The following LRRC53 variants were observed in gnomAD, a reference collection of about 807,000 sequenced individuals.
LRRC53 encodes leucine-rich repeat-containing protein 53.
In LRRC53, 25 loss-of-function variants were observed where a neutral mutation model predicts 13.6. The observed-to-expected ratio is 1.83, with a 90% CI of 1.34 to 2.56. The LOEUF (loss-of-function observed/expected upper bound fraction) is 2.56, where lower values mean the gene tolerates loss of function less well. LRRC53 is among the 30% of genes most tolerant of loss of function. The pLI is 0.00. For missense variants in LRRC53, 527 were observed against 275.8 expected, an observed-to-expected ratio of 1.91 and a Z score of -6.45; for synonymous variants, 204 against 109.8, an observed-to-expected ratio of 1.86 and a Z score of -5.37.
chr1:74,529,428 G>A, the LRRC53 span, among the ~76,000 whole-genome samples: 3 of 152,288 alleles, frequency 2.0e-5, no homozygotes, highest in East Asian at 1.9e-4. Context: ...AAATGTCACG[G>A]TTAGGAAATT....
At chr1:74,487,431 T>C (rs1250823615) in intron 1 of LRRC53, among the ~76,000 whole-genome samples, 1 of 152,124 alleles carries the variant, frequency 6.6e-6, no homozygotes, top group Non-Finnish European at 1.5e-5. Context: ...AAATATGTAA[T>C]AGGCTCTCTG....
At chr1:74,491,395 T>G (rs1669067599) in intron 1 of LRRC53, among the ~76,000 whole-genome samples, 2 of 152,274 alleles carry the variant, frequency 1.3e-5, no homozygotes, top group Admixed American at 1.3e-4. Context: ...AATTTTTGTA[T>G]TTTTATTAGA....
At chr1:74,501,474 G>GTGTTTGTTTGTT (rs71588835) in intron 1 of LRRC53, among the ~76,000 whole-genome samples, 3,126 of 149,916 alleles carry the variant, frequency 0.021, 66 homozygotes, top group Admixed American at 0.053. Context: ...TTTTTGTTTT[G>GTGTTTGTTTGTT]TGTTTGTTTG....
Position 74,480,761 on chromosome 1 carries a change from G to A in LRRC53, c.296C>T (p.Thr99Ile). Residue 99 changes from threonine to isoleucine, a missense_variant, in exon 3 of 5, where the codon ACT becomes ATT. Coordinates refer to ENST00000294635, the MANE Select transcript of LRRC53 (RefSeq NM_001382280.1). ...EHNQISSSSLTDHTFSKLHSL... is the reference protein window; with the variant it reads ...EHNQISSSSLIDHTFSKLHSL... The stretch of plus-strand genomic sequence containing the variant: ...GTGAAGCTTGCTGAAGGTGTGATCA[G>A]TGAGCGAAGAGCTGGATATTTGGTT... 2.8e-6 allele frequency: 2 copies of A among 717,530 alleles called. No homozygotes were observed. 44.4% of individuals were successfully genotyped at this position (717,530 alleles called of 1,614,324 possible).
the LRRC53 span, among the ~76,000 whole-genome samples, chr1:74,523,696 T>C: frequency 6.6e-6 from 1 of 152,240 alleles, no homozygotes; most frequent in Non-Finnish European, 1.5e-5. Flanking sequence ...AGGTGATCAA[T>C]ACCTATTTGT....
At chr1:74,505,911 G>A (rs1333996815) in intron 1 of LRRC53, among the ~76,000 whole-genome samples, 2 of 152,090 alleles carry the variant, frequency 1.3e-5, no homozygotes, top group African/African-American at 4.8e-5. Context: ...ATCTGCAAAC[G>A]AGTACAAAAA....
intron 3 of LRRC53, 50 bp from the exon 4 acceptor site, chr1:74,475,860 C>G: frequency 1.9e-6 from 1 of 529,030 alleles, no homozygotes; most frequent in Non-Finnish European, 3.4e-6. Context: ...GGAAGAAACA[C>G]ATAAATCATC....
the LRRC53 span, among the ~76,000 whole-genome samples, chr1:74,521,473 TCA>T: frequency 0.028 from 3,380 of 121,028 alleles, 134 homozygotes; most frequent in African/African-American, 0.079. Flanking sequence ...CTTATCTCTC[TCA>T]CACACACACA....
At chr1:74,508,403 T>C (rs1331913281) in intron 1 of LRRC53, among the ~76,000 whole-genome samples, 1 of 152,214 alleles carries the variant, frequency 6.6e-6, no homozygotes, top group Non-Finnish European at 1.5e-5. Flanking sequence ...AAAGAAGGTA[T>C]TATGATTTTT....
chr1:74,480,570 C>A lies in LRRC53; in HGVS notation c.487G>T (p.Asp163Tyr), dbSNP rs1279518863. The A allele has an allele frequency of 9.8e-6, 7 of 717,220 alleles. No homozygotes were observed. Among genetic ancestry groups the A allele is most frequent in the Non-Finnish European group, 1.6e-5 (6 of 385,110 alleles). The allele number at this position is 717,220 out of a possible 1,614,324, so 44.4% of individuals were successfully genotyped here. Residue 163 changes from aspartate (D) to tyrosine (Y), a missense_variant, in exon 3 of 5, where the codon GAT (aspartate) becomes TAT (tyrosine). Physicochemically the swap from Asp to Tyr is radical, Grantham distance 160. Transcript: ENST00000294635. ...GTNLHSLRYL[D>Y]LSNNFISYIG... is the part of the protein sequence containing the mutation. ...TAGGAAATAAAATTGTTGGATAAAT[C>A]CAGATACCTGAGACTGTGGAGATTC... is the stretch of plus-strand genomic sequence containing the variant.
At chr1:74,530,717 CAA>C in the LRRC53 span, among the ~76,000 whole-genome samples, 1 of 124,106 alleles carries the variant, frequency 8.1e-6, no homozygotes. Flanking sequence ...ACCAAGAACT[CAA>C]AAAGTTTTTT....
intron 3 of LRRC53, 36 bp from the exon 4 acceptor site, chr1:74,475,846 C>T: frequency 1.9e-6 from 1 of 538,076 alleles, no homozygotes; most frequent in Non-Finnish European, 3.4e-6. Context: ...AAGATAACAT[C>T]TTGGGAAGAA....
intron 1 of LRRC53, among the ~76,000 whole-genome samples, chr1:74,486,233 G>GAGAGAGAGAGAGAGAGAGAGA (rs200856016): frequency 5.3e-5 from 8 of 150,088 alleles, no homozygotes; most frequent in African/African-American, 1.5e-4. Context: ...GAGAGAGAGA[G>GAGAGAGAGAGAGAGAGAGAGA]GTGGGAAATA....
At chr1:74,478,416 TA>T (rs1668312341) in intron 3 of LRRC53, among the ~76,000 whole-genome samples, 1 of 152,330 alleles carries the variant, frequency 6.6e-6, no homozygotes, top group East Asian at 1.9e-4. Context: ...TCAATACTAA[TA>T]AAGAACTGTT....
chr1:74,518,515 C>A, the LRRC53 span, among the ~76,000 whole-genome samples: 115 of 152,194 alleles, frequency 7.6e-4, 1 homozygote, highest in African/African-American at 2.7e-3. Context: ...AATATGCCTT[C>A]TTTTTAGGGT....
intron 1 of LRRC53, among the ~76,000 whole-genome samples, chr1:74,511,319 A>C (rs1236575685): frequency 6.6e-6 from 1 of 151,998 alleles, no homozygotes; most frequent in Non-Finnish European, 1.5e-5. Flanking sequence ...CAGGCTCCCG[A>C]GTAGCTGGGA....
At chr1:74,516,480 G>A (rs1646349874), upstream of LRRC53, among the ~76,000 whole-genome samples, 1 of 152,140 alleles carries the variant, frequency 6.6e-6, no homozygotes, top group African/African-American at 2.4e-5. Flanking sequence ...TTTACTGTGG[G>A]GCTTAGTATG....
In LRRC53 at chr1:74,475,586, G is replaced by A. The variant is rs770747015; in HGVS notation, c.1129C>T (p.Pro377Ser). The change falls in exon 4 of 5, where the codon CCA becomes TCA. Residue 377 changes from proline (P) to serine (S), a missense_variant. By Grantham distance (74) the Pro-to-Ser change is moderately conservative. Transcript: ENST00000294635. ...MSTVGSRKEMPLLQENSHQAT... is the reference protein window; with the variant it reads ...MSTVGSRKEMSLLQENSHQAT... ...TGATGGCTATTTTCCTGTAAAAGTGGCATTTCTTTTCTGGACCCCACAGTG... is the reference window on the plus strand; with the variant it reads ...TGATGGCTATTTTCCTGTAAAAGTGACATTTCTTTTCTGGACCCCACAGTG... 5.2e-5 allele frequency: 37 copies of A among 717,194 alleles called. No individual in the cohort carries two copies. Among genetic ancestry groups the A allele is most frequent in the Admixed American group, 1.6e-4 (8 of 49,954 alleles). 44.4% of individuals were successfully genotyped at this position (717,194 alleles called of 1,614,324 possible). A position where few individuals can be genotyped will look rare whatever the true frequency, so the allele number is the denominator to read the frequency against.
At chr1:74,481,188 AT>A (rs1447468653) in intron 2 of LRRC53, among the ~76,000 whole-genome samples, 2 of 152,224 alleles carry the variant, frequency 1.3e-5, no homozygotes, top group East Asian at 1.9e-4. Context: ...CTGCTGTGAC[AT>A]GTTTGTTTGA....
Sources: gnomAD v4.1 joint callset for allele counts (sites outside exome capture counted in the v4.1 genomes callset) on GRCh38, gnomAD v4.1.1 for gene constraint, MANE v1.5 for transcripts, NCBI Gene and HGNC (gene_info 2026-07-23, HGNC 2026-07-21) for gene names.